Variants in DCDC2B observed in about 807,000 individuals in gnomAD.
DCDC2B encodes the protein doublecortin domain containing 2B, also known as doublecortin domain-containing protein 2B.
Under a neutral mutation model 38.9 loss-of-function variants are expected in DCDC2B, and 41 were observed. That is an observed-to-expected ratio of 1.05 (90% CI 0.82 to 1.37). DCDC2B has a LOEUF of 1.37. Ranked by LOEUF, DCDC2B falls within the 40% of genes most tolerant of loss-of-function variation. The pLI is 0.00. For missense variants in DCDC2B, 453 were observed against 427.2 expected, an observed-to-expected ratio of 1.06 and a Z score of -0.53; for synonymous variants, 181 against 171.9, an observed-to-expected ratio of 1.05 and a Z score of -0.41.
chr1:32,214,311 T>C, intron 6 of DCDC2B, among the ~76,000 whole-genome samples: 2 of 62,982 alleles, frequency 3.2e-5, no homozygotes, highest in Non-Finnish European at 2.8e-5. Flanking sequence ...GACTCAAGTC[T>C]CAAAAAAAAA....
intron 4 of DCDC2B, 27 bp downstream of exon 4, chr1:32,212,228 A>G (rs746820769): frequency 1.1e-5 from 17 of 1,604,106 alleles, no homozygotes; most frequent in East Asian, 4.5e-5. Flanking sequence ...CGAGGGCCCA[A>G]AAGTCCCCAA....
intron 1 of DCDC2B, 27 bp downstream of exon 1, chr1:32,209,386 G>T (rs770072822): frequency 1.2e-6 from 2 of 1,610,256 alleles, no homozygotes; most frequent in Admixed American, 3.3e-5. Flanking sequence ...TGGTCAAACA[G>T]CCTAGCAAGG....
At chr1:32,214,628 G>A (rs1638240770) in intron 6 of DCDC2B, 169 bp from the exon 7 acceptor site, 2 of 910,948 alleles carry the variant, frequency 2.2e-6, no homozygotes, top group Non-Finnish European at 1.6e-6. Context: ...GGATAAGTCA[G>A]GCTGGTGGGA....
At chr1:32,211,203 ACTGACATCTGCCAGG>A in intron 1 of DCDC2B, 54 bp from the exon 2 acceptor site, 1 of 1,445,866 alleles carries the variant, frequency 6.9e-7, no homozygotes, top group East Asian at 2.3e-5. Context: ...CCAACCCAAC[ACTGACATCTGCCAGG>A]CTATTGAGGC....
chr1:32,211,977 C>T, intron 3 of DCDC2B, 93 bp from the exon 4 acceptor site: 1 of 1,546,546 alleles, frequency 6.5e-7, no homozygotes, highest in South Asian at 1.2e-5. Flanking sequence ...GAAGAGAGAC[C>T]AGTGTTATGG....
chr1:32,211,618 T>A (rs1643588051), intron 2 of DCDC2B, 143 bp from the exon 3 acceptor site: 1 of 781,602 alleles, frequency 1.3e-6, no homozygotes, highest in African/African-American at 1.7e-5. Flanking sequence ...CACCGTTTGG[T>A]GAAAGGTGTA....
intron 1 of DCDC2B, among the ~76,000 whole-genome samples, chr1:32,210,166 A>ATAGT: frequency 6.6e-6 from 1 of 152,174 alleles, no homozygotes; most frequent in Non-Finnish European, 1.5e-5. Flanking sequence ...CATCTCTACT[A>ATAGT]AAACTACAAC....
intron 7 of DCDC2B, 178 bp downstream of exon 7, chr1:32,215,110 TAAAAA>T: frequency 1.5e-6 from 1 of 672,126 alleles, no homozygotes; most frequent in Non-Finnish European, 2.3e-6. Flanking sequence ...AGACTGCCCG[TAAAAA>T]AAAAAAAAGC....
intron 6 of DCDC2B, among the ~76,000 whole-genome samples, chr1:32,214,312 CAAAA>C (rs58837364): frequency 1.2e-4 from 6 of 51,954 alleles, no homozygotes; most frequent in African/African-American, 2.4e-4. Flanking sequence ...ACTCAAGTCT[CAAAA>C]AAAAAAAAAA....
At chr1:32,215,628 TCTC>T in intron 8 of DCDC2B, 85 bp downstream of exon 8, 4 of 1,292,432 alleles carry the variant, frequency 3.1e-6, no homozygotes, top group South Asian at 1.3e-5. Flanking sequence ...CAGGAACAGT[TCTC>T]CTCCCTTGTG....
At chr1:32,210,309 A>G (rs1643528490) in intron 1 of DCDC2B, among the ~76,000 whole-genome samples, 1 of 148,238 alleles carries the variant, frequency 6.7e-6, no homozygotes, top group African/African-American at 2.5e-5. Context: ...CTGGGCAATA[A>G]GAGTGAAACT....
At chr1:32,212,335 G>A in intron 4 of DCDC2B, 134 bp downstream of exon 4, 1 of 1,526,964 alleles carries the variant, frequency 6.5e-7, no homozygotes. Flanking sequence ...GCCACTGGGA[G>A]AGGGCCCTCT....
chr1:32,209,148 C>T lies in DCDC2B; in HGVS notation c.55C>T (p.Pro19Ser), dbSNP rs1163100068. 2 of 1,613,970 alleles carry T rather than the reference C, an allele frequency of 1.2e-6. No homozygotes were observed. The highest frequency in any genetic ancestry group is 1.1e-5 in the South Asian group (1 of 91,078). ...GGTAGTGGTGTACCGGAATGGGGACCCATTCTTCCCAGGCTCCCAGCTGGT... is the reference window on the plus strand; with the variant it reads ...GGTAGTGGTGTACCGGAATGGGGACTCATTCTTCCCAGGCTCCCAGCTGGT... ...KRVVVYRNGD[P>S]FFPGSQLVVT... Residue 19 changes from proline (P) to serine (S), a missense_variant, in exon 1 of 9, where the codon CCA becomes TCA. Coordinates refer to ENST00000409358, the MANE Select transcript of DCDC2B (RefSeq NM_001099434.2).
rs748811397 is a variant in DCDC2B, at chr1:32,212,092, G to C, written c.418G>C (p.Val140Leu). 3 of 1,613,682 alleles carry C rather than the reference G, an allele frequency of 1.9e-6. No individual in the cohort carries two copies. The highest frequency in any genetic ancestry group is 2.2e-5 in the East Asian group (1 of 44,892). The change falls in exon 4 of 9, where the codon GTA (valine) becomes CTA (leucine). Residue 140 changes from valine (V) to leucine (L), a missense_variant. By Grantham distance (32) the Val-to-Leu change is conservative (BLOSUM62 1). Coordinates refer to ENST00000409358, the MANE Select transcript of DCDC2B (RefSeq NM_001099434.2). ...CAGTGTGTTCAGGAATGGGGACCTG[G>C]TAAGTCCCCCATTTAGTCTGAAGCT... ...YIHVFRNGDLVSPPFSLKLSQ... is the reference protein window; with the variant it reads ...YIHVFRNGDLLSPPFSLKLSQ...
Position 32,212,100 on chromosome 1 carries a change from C to G in DCDC2B, c.426C>G (p.Pro142=). Residue 142 remains proline (P), a synonymous_variant, in exon 4 of 9, where the codon CCC becomes CCG. Transcript: ENST00000409358. ...TCAGGAATGGGGACCTGGTAAGTCC[C>G]CCATTTAGTCTGAAGCTGTCCCAGG... ...HVFRNGDLVS[P]PFSLKLSQAA... 5 of 1,613,860 alleles carry G rather than the reference C, an allele frequency of 3.1e-6. No homozygotes were observed. Among genetic ancestry groups the G allele is most frequent in the Non-Finnish European group, 3.4e-6 (4 of 1,179,828 alleles).
In DCDC2B at chr1:32,216,099, G is replaced by T; in HGVS notation, c.*202G>T. ...CTCTGAGCAGAGCAGCCCTGGCTGT[G>T]GGGGCTATTTCCTTATGGGATTCTC... On this transcript the variant is annotated 3_prime_UTR_variant, in exon 9 of 9. Coordinates refer to ENST00000409358, the MANE Select transcript of DCDC2B (RefSeq NM_001099434.2). 1.5e-6 allele frequency: 1 copy of T among 674,300 alleles called. No individual in the cohort carries two copies. The highest frequency in any genetic ancestry group is 2.5e-6 in the Non-Finnish European group (1 of 402,882). 41.8% of individuals were successfully genotyped at this position (674,300 alleles called of 1,614,324 possible). A position where few individuals can be genotyped will look rare whatever the true frequency, so the allele number is the denominator to read the frequency against.
intron 3 of DCDC2B, 68 bp downstream of exon 3, chr1:32,211,905 G>C: frequency 6.4e-7 from 1 of 1,557,516 alleles, no homozygotes. Context: ...AATGGTGTTG[G>C]GTTTGTTCTA....
At chr1:32,212,425 A>T (rs1169484215) in intron 4 of DCDC2B, 65 bp from the exon 5 acceptor site, 2 of 1,594,930 alleles carry the variant, frequency 1.3e-6, no homozygotes, top group Non-Finnish European at 1.7e-6. Flanking sequence ...CCACCCCTTC[A>T]GTCTGCTGAA....
At chr1:32,214,999 C>A in intron 7 of DCDC2B, 67 bp downstream of exon 7, 1 of 1,588,402 alleles carries the variant, frequency 6.3e-7, no homozygotes, top group South Asian at 1.1e-5. Flanking sequence ...TTGGTCCCTG[C>A]TGTTGTTGGG....
Sources: allele counts gnomAD v4.1 joint callset (sites outside exome capture counted in the v4.1 genomes callset), GRCh38; gene constraint gnomAD v4.1.1; transcripts MANE v1.5; gene names NCBI Gene and HGNC (gene_info 2026-07-23, HGNC 2026-07-21).